Variants in KCNIP4 observed in about 807,000 individuals in gnomAD.
KCNIP4 encodes the protein Kv channel-interacting protein 4.
KCNIP4 carries 12 observed loss-of-function variants against 34.0 expected under a neutral mutation model. The observed-to-expected ratio is 0.35, with a 90% CI of 0.23 to 0.57. The LOEUF (loss-of-function observed/expected upper bound fraction) is 0.57, where lower values mean the gene tolerates loss of function less well. Among genes scored for constraint, KCNIP4 ranks in the 20% least tolerant of loss-of-function variants. KCNIP4 has a pLI of 0.83. For missense variants in KCNIP4, 238 were observed against 311.7 expected (o/e 0.76, Z 1.78); for synonymous variants, 124 against 102.2 (o/e 1.21, Z -1.29).
chr4:21,430,897 G>A (rs987879323), intron 1 of KCNIP4, among the ~76,000 whole-genome samples: 14 of 150,998 alleles, frequency 9.3e-5, no homozygotes, highest in Admixed American at 6.6e-4. Context: ...AAATAGTTAC[G>A]CAATTTCAAA....
chr4:21,318,094 C>T (rs1290193394), intron 1 of KCNIP4, among the ~76,000 whole-genome samples: 1 of 152,144 alleles, frequency 6.6e-6, no homozygotes, highest in African/African-American at 2.4e-5. Context: ...TGCCCTCAGA[C>T]TCAAACTTTC....
At chr4:21,361,027 CATT>C (rs1380563354) in intron 1 of KCNIP4, among the ~76,000 whole-genome samples, 1 of 149,078 alleles carries the variant, frequency 6.7e-6, no homozygotes, top group African/African-American at 2.5e-5. Context: ...CATTTATCAT[CATT>C]ATCGTCATCA....
intron 1 of KCNIP4, among the ~76,000 whole-genome samples, chr4:21,050,645 C>T (rs904364917): frequency 3.3e-5 from 5 of 152,054 alleles, no homozygotes; most frequent in African/African-American, 9.7e-5. Context: ...TGGCATAAGG[C>T]AAATATGATG....
At chr4:21,587,517 G>C (rs1432839481) in intron 1 of KCNIP4, among the ~76,000 whole-genome samples, 1 of 150,290 alleles carries the variant, frequency 6.7e-6, no homozygotes, top group African/African-American at 2.5e-5. Context: ...TGAAGAGTTA[G>C]AGCTTGGGAA....
At chr4:21,059,243 A>G (rs1462694267) in intron 1 of KCNIP4, among the ~76,000 whole-genome samples, 1 of 152,156 alleles carries the variant, frequency 6.6e-6, no homozygotes, top group Non-Finnish European at 1.5e-5. Flanking sequence ...TGGGTCTAAA[A>G]ATATCCGACT....
chr4:20,830,724 G>T (rs145980728), intron 3 of KCNIP4, among the ~76,000 whole-genome samples: 14 of 152,260 alleles, frequency 9.2e-5, no homozygotes, highest in African/African-American at 2.6e-4. Flanking sequence ...GGGCCTGTTT[G>T]CTTCTTGAGG....
At chr4:21,788,813 A>G (rs2874963) in intron 1 of KCNIP4, among the ~76,000 whole-genome samples, 17,264 of 152,014 alleles carry the variant, frequency 0.11, 2,924 homozygotes, top group African/African-American at 0.37. Context: ...GGTGGCTCAT[A>G]ACTGTAATCC....
intron 2 of KCNIP4, among the ~76,000 whole-genome samples, chr4:20,851,533 C>A (rs1721022329): frequency 6.6e-6 from 1 of 152,028 alleles, no homozygotes; most frequent in African/African-American, 2.4e-5. Context: ...AATTATATTC[C>A]TTTGGGTATA....
intron 1 of KCNIP4, among the ~76,000 whole-genome samples, chr4:21,790,428 T>C (rs1436418254): frequency 6.6e-6 from 1 of 152,192 alleles, no homozygotes; most frequent in Non-Finnish European, 1.5e-5. Context: ...AAATTTCACA[T>C]ACACCAGAAT....
chr4:20,914,866 A>G (rs1001668028), intron 1 of KCNIP4, among the ~76,000 whole-genome samples: 2 of 152,230 alleles, frequency 1.3e-5, no homozygotes, highest in African/African-American at 4.8e-5. Flanking sequence ...CTTCTAAAAT[A>G]CATTTGCTCC....
intron 1 of KCNIP4, among the ~76,000 whole-genome samples, chr4:21,504,797 T>C (rs550967680): frequency 2.6e-5 from 4 of 152,228 alleles, no homozygotes; most frequent in African/African-American, 9.6e-5. Flanking sequence ...ACTGATATTA[T>C]GTTTTAATTA....
chr4:21,356,076 A>G (rs1560322127), intron 1 of KCNIP4, among the ~76,000 whole-genome samples: 1 of 152,182 alleles, frequency 6.6e-6, no homozygotes, highest in Non-Finnish European at 1.5e-5. Flanking sequence ...TAGATGCAGA[A>G]AAGGCCTTTG....
chr4:21,443,250 T>A (rs1477386245), intron 1 of KCNIP4, among the ~76,000 whole-genome samples: 1 of 152,182 alleles, frequency 6.6e-6, no homozygotes, highest in African/African-American at 2.4e-5. Context: ...TAGCTTCTCA[T>A]CATTCTCAAA....
At chr4:20,894,205 C>T (rs1469416367) in intron 1 of KCNIP4, among the ~76,000 whole-genome samples, 1 of 152,124 alleles carries the variant, frequency 6.6e-6, no homozygotes, top group African/African-American at 2.4e-5. Flanking sequence ...AGCATTGTAA[C>T]TTCAAACTTT....
chr4:21,530,693 G>T lies in KCNIP4; in HGVS notation c.61+417878C>A, dbSNP rs540375199. The stretch of plus-strand genomic sequence containing the variant: ...ATCATTGGATAAGGAGTTATCAAAA[G>T]CTTCCAAGTACCACAATAAAATAAG... On this transcript the variant is annotated intron_variant, in intron 1 of 8. Coordinates refer to ENST00000382152, the MANE Select transcript of KCNIP4 (RefSeq NM_025221.6). Among the ~76,000 whole-genome samples, 143 of 152,248 alleles carry T rather than the reference G, an allele frequency of 9.4e-4. 1 individual carries two copies. The highest frequency in any genetic ancestry group is 6.6e-3 in the East Asian group (34 of 5,188).
intron 1 of KCNIP4, among the ~76,000 whole-genome samples, chr4:21,011,474 T>C (rs1226401204): frequency 6.6e-6 from 1 of 152,216 alleles, no homozygotes; most frequent in Non-Finnish European, 1.5e-5. Flanking sequence ...CAGCCAACTT[T>C]GGAAAAATAG....
intron 3 of KCNIP4, among the ~76,000 whole-genome samples, chr4:20,776,251 T>C (rs1270080538): frequency 6.6e-6 from 1 of 152,238 alleles, no homozygotes. Flanking sequence ...TTTATGTTTT[T>C]GCCCCGTAAG....
chr4:21,841,839 T>C (rs181019503), intron 1 of KCNIP4, among the ~76,000 whole-genome samples: 18 of 152,280 alleles, frequency 1.2e-4, no homozygotes, highest in Non-Finnish European at 2.6e-4. Flanking sequence ...AAAACAATCA[T>C]TTCTTAAGAG....
intron 1 of KCNIP4, among the ~76,000 whole-genome samples, chr4:20,919,059 A>C (rs1244329286): frequency 6.6e-6 from 1 of 152,220 alleles, no homozygotes; most frequent in Admixed American, 6.5e-5. Flanking sequence ...TGATACAGAA[A>C]GTTAGAGTGA....
Sources: allele counts gnomAD v4.1 joint callset (sites outside exome capture counted in the v4.1 genomes callset), GRCh38; gene constraint gnomAD v4.1.1; transcripts MANE v1.5; gene names NCBI Gene and HGNC (gene_info 2026-07-23, HGNC 2026-07-21).